Variants in DOCK9 observed in about 807,000 individuals in gnomAD.
DOCK9 encodes the protein dedicator of cytokinesis protein 9.
In DOCK9, 89 loss-of-function variants were observed where a neutral mutation model predicts 263.3. That is an observed-to-expected ratio of 0.34 (90% CI 0.28 to 0.40). The LOEUF is 0.40. DOCK9 is among the 10% of genes least tolerant of loss of function. The pLI, the probability that DOCK9 is intolerant of heterozygous loss-of-function variation, is 1.00. For synonymous variants in DOCK9, 976 were observed against 973.1 expected (o/e 1.00, Z -0.06); for missense variants, 2,140 against 2,603.4 (o/e 0.82, Z 3.87).
chr13:98,875,706 C>T lies in DOCK9; in HGVS notation c.2943+4192G>A, dbSNP rs537004425. Among the ~76,000 whole-genome samples, 105 of 152,336 alleles carry T rather than the reference C, an allele frequency of 6.9e-4. 1 individual carries two copies. In the South Asian group the frequency reaches 0.021, roughly 30 times the overall value. On this transcript the variant is annotated intron_variant, in intron 27 of 52. Transcript: ENST00000682017. ...ACAGACCTTGATGATGTCTGCTTTA[C>T]ATTTTTCTCAAATATCACTTGTACC...
intron 2 of DOCK9, among the ~76,000 whole-genome samples, chr13:98,934,444 A>G (rs1193134668): frequency 6.6e-6 from 1 of 152,246 alleles, no homozygotes; most frequent in Non-Finnish European, 1.5e-5. Context: ...AGTGTAAAAC[A>G]GAAGAACCAC....
At chr13:98,991,133 A>G (rs772794839) in intron 1 of DOCK9, among the ~76,000 whole-genome samples, 10 of 151,610 alleles carry the variant, frequency 6.6e-5, no homozygotes, top group Non-Finnish European at 1.2e-4. Context: ...GTGCAGTGGC[A>G]TGATTTTGGC....
Position 98,794,467 on chromosome 13 carries a change from A to G in DOCK9, c.*159T>C. On this transcript the variant is annotated 3_prime_UTR_variant, in exon 53 of 53. Coordinates refer to ENST00000682017, the MANE Select transcript of DOCK9 (RefSeq NM_001366683.2). ...ATATGTGCACCTTCTTACAACTCCT[A>G]TAGAAAGTCTGTTAAGAAATAACGT... The G allele has an allele frequency of 1.3e-6, 1 of 786,948 alleles. No homozygotes were observed. The highest frequency in any genetic ancestry group is 2.0e-6 in the Non-Finnish European group (1 of 506,090). 48.7% of individuals were successfully genotyped at this position (786,948 alleles called of 1,614,324 possible).
chr13:98,826,791 T>C (rs1398176993), intron 44 of DOCK9, 39 bp downstream of exon 44: 28 of 1,519,048 alleles, frequency 1.8e-5, no homozygotes, highest in Non-Finnish European at 2.4e-5. Context: ...TGTGGTTTTA[T>C]ACTAATTAAT....
intron 23 of DOCK9, 109 bp downstream of exon 23, chr13:98,882,933 C>T: frequency 1.2e-6 from 1 of 838,914 alleles, no homozygotes; most frequent in Non-Finnish European, 1.9e-6. Context: ...TGATGTGAGA[C>T]ATCCAGGTAA....
chr13:98,972,900 C>T (rs1460007616), intron 1 of DOCK9, among the ~76,000 whole-genome samples: 2 of 152,288 alleles, frequency 1.3e-5, no homozygotes, highest in South Asian at 4.1e-4. Flanking sequence ...ATCTTATTTG[C>T]CTCAATGCAC....
intron 2 of DOCK9, among the ~76,000 whole-genome samples, chr13:98,939,945 G>A (rs2055540023): frequency 6.6e-6 from 1 of 152,164 alleles, no homozygotes; most frequent in Non-Finnish European, 1.5e-5. Context: ...TGGTTGCACT[G>A]GTCTGTACAT....
intron 1 of DOCK9, among the ~76,000 whole-genome samples, chr13:98,955,804 A>G (rs934241131): frequency 6.6e-6 from 1 of 152,236 alleles, no homozygotes; most frequent in African/African-American, 2.4e-5. Context: ...TGGAGCTTCC[A>G]GTCATTTCTC....
chr13:99,086,427 C>T, exon 1 of DOCK9: 16 of 898,432 alleles, frequency 1.8e-5, no homozygotes, highest in Non-Finnish European at 2.1e-5. Flanking sequence ...GGTGCGCCCT[C>T]GGCGCCCGGC....
chr13:98,794,877 G>A (rs997294528), intron 52 of DOCK9, 129 bp from the exon 53 acceptor site: 33 of 931,962 alleles, frequency 3.5e-5, no homozygotes, highest in Non-Finnish European at 5.0e-5. Flanking sequence ...ATGTTGCCAC[G>A]TGCAACACAA....
At chr13:99,031,411 T>C (rs1887331429) in intron 1 of DOCK9, among the ~76,000 whole-genome samples, 1 of 152,234 alleles carries the variant, frequency 6.6e-6, no homozygotes, top group South Asian at 2.1e-4. Context: ...CCAAAGTCCC[T>C]GCTCCTTCCA....
In DOCK9 at chr13:98,885,664, T is replaced by C. The variant is rs534896112; in HGVS notation, c.2260+44A>G. ...ATCTTAATACAATTTAAGAACCTAA[T>C]GTTTCAATTATTTAAAATCAAAGGA... On this transcript the variant is annotated intron_variant, in intron 20 of 52. Coordinates refer to ENST00000682017, the MANE Select transcript of DOCK9 (RefSeq NM_001366683.2). 9.6e-6 allele frequency: 15 copies of C among 1,559,694 alleles called. No individual in the cohort carries two copies. In the Admixed American group the frequency reaches 2.3e-4, roughly 24 times the overall value.
chr13:98,891,688 T>C (rs1198116462), intron 15 of DOCK9, among the ~76,000 whole-genome samples: 1 of 152,232 alleles, frequency 6.6e-6, no homozygotes, highest in Non-Finnish European at 1.5e-5. Context: ...TTTCTTATTC[T>C]ATTTCCTCCC....
intron 1 of DOCK9, among the ~76,000 whole-genome samples, chr13:99,036,816 G>A (rs1198748119): frequency 6.6e-6 from 1 of 152,222 alleles, no homozygotes; most frequent in Non-Finnish European, 1.5e-5. Flanking sequence ...GGGATTACAG[G>A]TGTGATCCAC....
At chr13:99,085,766 G>A (rs2042305461) in intron 1 of DOCK9, among the ~76,000 whole-genome samples, 1 of 151,390 alleles carries the variant, frequency 6.6e-6, no homozygotes, top group African/African-American at 2.4e-5. Context: ...CTCCCACCCT[G>A]AGCGCAGACT....
chr13:99,053,741 T>C (rs552495954), intron 1 of DOCK9, among the ~76,000 whole-genome samples: 1 of 152,270 alleles, frequency 6.6e-6, no homozygotes, highest in South Asian at 2.1e-4. Flanking sequence ...CCTCAGACTG[T>C]TACCTGGTCC....
At chr13:98,847,439 T>C (rs903767351) in intron 37 of DOCK9, 2 of 152,132 alleles carry the variant, frequency 1.3e-5, no homozygotes, top group African/African-American at 4.8e-5. Flanking sequence ...ACAGTTAAGA[T>C]TAGAGAACTT....
intron 46 of DOCK9, 21 bp from the exon 47 acceptor site, chr13:98,809,486 C>A: frequency 6.4e-7 from 1 of 1,550,418 alleles, no homozygotes; most frequent in South Asian, 1.2e-5. Context: ...GAACAAAGCC[C>A]ATTTCTTCCC....
intron 1 of DOCK9, among the ~76,000 whole-genome samples, chr13:99,021,920 A>G (rs534211575): frequency 2.6e-5 from 4 of 152,236 alleles, no homozygotes; most frequent in African/African-American, 4.8e-5. Flanking sequence ...CATGGCACAC[A>G]TATATTTATA....
Sources: gnomAD v4.1 joint callset for allele counts (sites outside exome capture counted in the v4.1 genomes callset) on GRCh38, gnomAD v4.1.1 for gene constraint, MANE v1.5 for transcripts, NCBI Gene and HGNC (gene_info 2026-07-23, HGNC 2026-07-21) for gene names.